Variants in XRCC6 observed in about 807,000 individuals in gnomAD.
The protein encoded by XRCC6 is DNA repair protein Ku70.
In XRCC6, 5 loss-of-function variants were observed where a neutral mutation model predicts 65.7. That is an observed-to-expected ratio of 0.08 (90% confidence interval 0.04 to 0.16). The LOEUF (loss-of-function observed/expected upper bound fraction) is 0.16. XRCC6 is among the 10% of genes least tolerant of loss of function. The pLI is 1.00. For missense variants in XRCC6, 447 were observed against 738.1 expected, an observed-to-expected ratio of 0.61 and a Z score of 4.57; for synonymous variants, 270 against 270.6, an observed-to-expected ratio of 1.00 and a Z score of 0.02.
Position 41,627,604 on chromosome 22 carries a change from C to T in XRCC6, c.83-514C>T, listed in dbSNP as rs1333296418. ...CCACCCTGGCAACAGAGCGAGACTC[C>T]GTCTCAAAAAAAAAAAAAAAAAAAA... On this transcript the variant is annotated intron_variant, in intron 2 of 12. Coordinates refer to ENST00000360079, the MANE Select transcript of XRCC6 (RefSeq NM_001469.5). Among the ~76,000 whole-genome samples, 9 of 94,022 alleles carry T rather than the reference C, an allele frequency of 9.6e-5. 1 individual carries two copies. The South Asian group carries it at 1.4e-3, about 14-fold the overall frequency. 61.7% of individuals were successfully genotyped at this position (94,022 alleles called of 152,430 possible).
chr22:41,646,036 G>A (rs28741128), intron 6 of XRCC6, among the ~76,000 whole-genome samples: 2,274 of 152,096 alleles, frequency 0.015, 51 homozygotes, highest in African/African-American at 0.051. Context: ...AAACATGGTA[G>A]CTCACACCTG....
At chr22:41,629,835 A>G (rs1485689140) in intron 3 of XRCC6, among the ~76,000 whole-genome samples, 1 of 151,710 alleles carries the variant, frequency 6.6e-6, no homozygotes, top group Admixed American at 6.6e-5. Context: ...ATGCCTGGCT[A>G]ATTTTTTGTG....
At chr22:41,657,461 T>C (rs1045837819) in intron 10 of XRCC6, among the ~76,000 whole-genome samples, 11 of 150,412 alleles carry the variant, frequency 7.3e-5, no homozygotes, top group Non-Finnish European at 3.0e-5. Flanking sequence ...ACACTAAACG[T>C]AATTTTTTTC....
chr22:41,623,563 A>G (rs962363544), intron 2 of XRCC6, among the ~76,000 whole-genome samples: 2 of 150,864 alleles, frequency 1.3e-5, no homozygotes, highest in Non-Finnish European at 3.0e-5. Flanking sequence ...AGTTTTTTGT[A>G]TTTTTAGTAG....
At chr22:41,636,020 C>A in intron 3 of XRCC6, 93 bp from the exon 4 acceptor site, 1 of 1,150,186 alleles carries the variant, frequency 8.7e-7, no homozygotes, top group South Asian at 1.9e-5. Context: ...TATACAAATT[C>A]AGTGCACATA....
intron 3 of XRCC6, among the ~76,000 whole-genome samples, chr22:41,635,373 G>A (rs2067798259): frequency 6.6e-6 from 1 of 152,168 alleles, no homozygotes; most frequent in African/African-American, 2.4e-5. Flanking sequence ...AGGGCCAACT[G>A]TGTATATAAA....
At chr22:41,656,764 G>C (rs138512151) in intron 9 of XRCC6, 139 bp from the exon 10 acceptor site, 5 of 1,056,896 alleles carry the variant, frequency 4.7e-6, no homozygotes, top group Middle Eastern at 3.3e-4. Flanking sequence ...ACAAAAACCA[G>C]CTGGTGGAGT....
chr22:41,653,772 T>TCTGG, intron 9 of XRCC6, 82 bp downstream of exon 9: 1 of 1,485,192 alleles, frequency 6.7e-7, no homozygotes, highest in South Asian at 1.3e-5. Context: ...GCAGACCTAC[T>TCTGG]GAATCATAGT....
At chr22:41,661,189 A>G in intron 11 of XRCC6, 142 bp from the exon 12 acceptor site, 1 of 672,880 alleles carries the variant, frequency 1.5e-6, no homozygotes, top group Non-Finnish European at 2.6e-6. Flanking sequence ...TACTTGGTAA[A>G]TGCTGGAAAG....
intron 11 of XRCC6, among the ~76,000 whole-genome samples, chr22:41,660,522 A>G (rs919791916): frequency 3.3e-5 from 5 of 152,094 alleles, no homozygotes; most frequent in Admixed American, 6.6e-5. Flanking sequence ...TGCAGCTATC[A>G]GGGGATTCTT....
intron 8 of XRCC6, among the ~76,000 whole-genome samples, chr22:41,651,143 C>T (rs890509646): frequency 4.6e-5 from 7 of 152,028 alleles, no homozygotes; most frequent in African/African-American, 1.7e-4. Flanking sequence ...ACTAAAAATA[C>T]AAAATTTAGC....
chr22:41,636,946 G>A (rs1473144779), intron 5 of XRCC6, among the ~76,000 whole-genome samples, 176 bp downstream of exon 5: 3 of 151,846 alleles, frequency 2.0e-5, no homozygotes, highest in African/African-American at 4.8e-5. Flanking sequence ...CTGACTTCAG[G>A]CATGTGCTTT....
intron 6 of XRCC6, among the ~76,000 whole-genome samples, chr22:41,643,766 A>T (rs994658784): frequency 2.6e-4 from 39 of 151,500 alleles, no homozygotes; most frequent in Non-Finnish European, 4.4e-5. Flanking sequence ...GGTTGCAGTG[A>T]GCTGAGATTG....
intron 2 of XRCC6, among the ~76,000 whole-genome samples, chr22:41,626,218 C>T (rs1030277581): frequency 1.7e-4 from 26 of 152,056 alleles, no homozygotes; most frequent in African/African-American, 6.3e-4. Flanking sequence ...TCTTGGCTCA[C>T]TGCAGCCTCT....
chr22:41,622,063 A>G lies in XRCC6; in HGVS notation c.59A>G (p.Gln20Arg). Residue 20 changes from glutamine (Q) to arginine (R), a missense_variant, in exon 2 of 13, where the codon CAA becomes CGA. Physicochemically the swap from Gln to Arg is conservative, Grantham distance 43. Coordinates refer to ENST00000360079, the MANE Select transcript of XRCC6 (RefSeq NM_001469.5). The part of the protein sequence containing the change: ...TEGDEEAEEE[Q>R]EENLEASGDY... Reference sequence around the variant, plus strand: ...GGCGATGAAGAAGCAGAGGAAGAACAAGAAGAGAACCTTGAAGCAAGTGGT... The same window carrying G: ...GGCGATGAAGAAGCAGAGGAAGAACGAGAAGAGAACCTTGAAGCAAGTGGT... The G allele has an allele frequency of 6.2e-7, 1 of 1,614,252 alleles. No homozygotes were observed. Among genetic ancestry groups the G allele is most frequent in the Non-Finnish European group, 8.5e-7 (1 of 1,180,032 alleles).
chr22:41,647,192 G>A, intron 7 of XRCC6, 110 bp downstream of exon 7: 1 of 1,121,946 alleles, frequency 8.9e-7, no homozygotes, highest in Non-Finnish European at 1.3e-6. Flanking sequence ...TTGACCTCCT[G>A]GACTCAAGCG....
At chr22:41,628,040 T>A in intron 2 of XRCC6, 78 bp from the exon 3 acceptor site, 1 of 936,028 alleles carries the variant, frequency 1.1e-6, no homozygotes, top group Non-Finnish European at 1.6e-6. Context: ...TACTTTCCTT[T>A]ATGGCCTTTA....
chr22:41,623,384 C>G (rs1217683908), intron 2 of XRCC6, among the ~76,000 whole-genome samples: 1 of 151,854 alleles, frequency 6.6e-6, no homozygotes, highest in Non-Finnish European at 1.5e-5. Flanking sequence ...CAGACTGTAT[C>G]TGATTTCTTT....
chr22:41,655,893 T>C (rs1226929707), intron 9 of XRCC6, among the ~76,000 whole-genome samples: 1 of 151,576 alleles, frequency 6.6e-6, no homozygotes, highest in Non-Finnish European at 1.5e-5. Flanking sequence ...CACCTCAAAC[T>C]GTAAAAGTTA....
Sources: allele counts gnomAD v4.1 joint callset (sites outside exome capture counted in the v4.1 genomes callset), GRCh38; gene constraint gnomAD v4.1.1; transcripts MANE v1.5; gene names NCBI Gene and HGNC (gene_info 2026-07-23, HGNC 2026-07-21).